Variants in FAM217A observed in about 807,000 individuals in gnomAD.
FAM217A encodes the protein family with sequence similarity 217 member A.
FAM217A carries 13 observed loss-of-function variants against 18.5 expected under a neutral mutation model. The ratio of observed to expected loss-of-function variants is 0.70; its 90% CI spans 0.46 to 1.12. FAM217A has a LOEUF of 1.12. FAM217A is among the 50% of genes most tolerant of loss of function. The pLI, the probability that FAM217A is intolerant of heterozygous loss-of-function variation, is 0.00. For synonymous variants in FAM217A, 161 were observed against 202.8 expected (o/e 0.79, Z 1.75); for missense variants, 560 against 575.4 (o/e 0.97, Z 0.27).
At chr6:4,074,250 ATACT>A (rs1397668143) in intron 4 of FAM217A, among the ~76,000 whole-genome samples, 189 bp downstream of exon 4, 6 of 152,352 alleles carry the variant, frequency 3.9e-5, no homozygotes, top group Non-Finnish European at 4.4e-5. Flanking sequence ...ATACTGAAAA[ATACT>A]TAATATAACA....
rs770342588 is a variant in FAM217A at position 4,069,709 on chromosome 6, T to G, written c.514A>C (p.Thr172Pro). 3.1e-6 allele frequency: 5 copies of G among 1,614,194 alleles called. No individual in the cohort carries two copies. In the South Asian group the frequency reaches 3.3e-5, roughly 11 times the overall value. ...GTTTCACCATCATTGTTTTCTATAGTTGAACATGAACTAACATGAATCTCA... is the reference window on the plus strand; with the variant it reads ...GTTTCACCATCATTGTTTTCTATAGGTGAACATGAACTAACATGAATCTCA... ...RNEIHVSSCS[T>P]IENNDGETLP... is the part of the protein sequence containing the mutation. Residue 172 changes from threonine to proline, a missense_variant, in exon 7 of 7, where the codon ACT becomes CCT. Coordinates refer to ENST00000274673, the MANE Select transcript of FAM217A (RefSeq NM_173563.3).
chr6:4,084,468 T>C lies in FAM217A; in HGVS notation c.251+110A>G, dbSNP rs1770508399. ...CTTGATTTCTGCAATTTGAATTGCT[T>C]CATAAGCCTTTCTGTTTTTCAGATG... On this transcript the variant is annotated intron_variant, in intron 2 of 8. Coordinates refer to the FAM217A transcript ENST00000639338. 7 of 611,342 alleles carry C rather than the reference T, an allele frequency of 1.1e-5. No homozygotes were observed. In the South Asian group the frequency reaches 1.4e-4, roughly 12 times the overall value. 37.9% of individuals were successfully genotyped at this position (611,342 alleles called of 1,614,324 possible). A position where few individuals can be genotyped will look rare whatever the true frequency, so the allele number is the denominator to read the frequency against.
chr6:4,069,308 CCTCT>C lies in FAM217A; in HGVS notation c.911_914del (p.Glu304GlyfsTer26). ...TACAGAAAGTCGTTTGTAGTCTTGG[CCTCT>C]CTTTTTGAATAGTCATATGTTGTAA... On this transcript the variant is annotated frameshift_variant, in exon 7 of 7. Transcript: ENST00000274673. LOFTEE classifies it low-confidence loss of function (END_TRUNC). The C allele has an allele frequency of 6.2e-7, 1 of 1,614,088 alleles. No homozygotes were observed. The highest frequency in any genetic ancestry group is 8.5e-7 in the Non-Finnish European group (1 of 1,180,002).
intron 6 of FAM217A, among the ~76,000 whole-genome samples, chr6:4,072,128 G>A (rs1281984586): frequency 6.6e-6 from 1 of 151,246 alleles, no homozygotes; most frequent in African/African-American, 2.4e-5. Context: ...GAATCACAAG[G>A]TCAGGAGTTC....
upstream of FAM217A, chr6:4,079,489 C>T (rs1770112924): frequency 3.7e-6 from 2 of 536,576 alleles, no homozygotes; most frequent in Admixed American, 3.8e-5. Flanking sequence ...CCTTCTTCGG[C>T]CTTCCTGGGC....
chr6:4,078,791 C>T, intron 1 of FAM217A, 61 bp downstream of exon 1: 1 of 426,660 alleles, frequency 2.3e-6, no homozygotes, highest in Non-Finnish European at 4.2e-6. Context: ...GTGGGGAGCC[C>T]AGTTCCAGGG....
Position 4,068,600 on chromosome 6 carries a change from CTG to C in FAM217A, c.*94_*95del. The C allele has an allele frequency of 7.3e-7, 1 of 1,368,132 alleles. No homozygotes were observed. The highest frequency in any genetic ancestry group is 9.9e-7 in the Non-Finnish European group (1 of 1,011,806). 84.7% of individuals were successfully genotyped at this position (1,368,132 alleles called of 1,614,324 possible). A position where few individuals can be genotyped will look rare whatever the true frequency, so the allele number is the denominator to read the frequency against. Reference sequence around the variant, plus strand: ...GCAACTGTTTGGTGATTTTGGGGGACTGTTAATAGTACCTGTGTCTTGGAATA... The same window carrying C: ...GCAACTGTTTGGTGATTTTGGGGGACTTAATAGTACCTGTGTCTTGGAATA... On this transcript the variant is annotated 3_prime_UTR_variant, in exon 7 of 7. Coordinates refer to ENST00000274673, the MANE Select transcript of FAM217A (RefSeq NM_173563.3).
In FAM217A at chr6:4,068,783, A is replaced by G. The variant is rs1441551302; in HGVS notation, c.1440T>C (p.Asn480=). The G allele has an allele frequency of 6.2e-7, 1 of 1,614,194 alleles. No homozygotes were observed. The highest frequency in any genetic ancestry group is 8.5e-7 in the Non-Finnish European group (1 of 1,179,994). ...KKLYRQNIVL[N]RPFSIQKLNC... is the part of the protein sequence containing the mutation. ...TTAGCTTCTGAATAGAGAATGGTCTATTCAACACTATATTTTGTCGGTAAA... is the reference window on the plus strand; with the variant it reads ...TTAGCTTCTGAATAGAGAATGGTCTGTTCAACACTATATTTTGTCGGTAAA... Residue 480 remains asparagine (N), a synonymous_variant, in exon 7 of 7, where the codon AAT becomes AAC. Transcript: ENST00000274673.
rs1769299846 is a variant in FAM217A at position 4,070,017 on chromosome 6, A to G, written c.303-97T>C. On this transcript the variant is annotated intron_variant, in intron 6 of 6. Transcript: ENST00000274673. Reference sequence around the variant, plus strand: ...AGTACCCTTTATCAAAGATTGGTTAATGTTTAGTTCCCAATGGCATATGTG... The same window carrying G: ...AGTACCCTTTATCAAAGATTGGTTAGTGTTTAGTTCCCAATGGCATATGTG... 6.5e-6 allele frequency: 6 copies of G among 917,668 alleles called. No individual in the cohort carries two copies. In the Admixed American group the frequency reaches 1.9e-4, roughly 30 times the overall value. 56.8% of individuals were successfully genotyped at this position (917,668 alleles called of 1,614,324 possible).
At chr6:4,084,563 A>C (rs1230969551) in intron 2 of FAM217A, 3 of 701,700 alleles carry the variant, frequency 4.3e-6, no homozygotes, top group Non-Finnish European at 7.8e-6. Flanking sequence ...TTAAAGTCTC[A>C]GTGTCAGAAC....
At position 4,084,653 on chromosome 6, in the gene FAM217A, C is replaced by CAG; in HGVS notation, c.174_175dup (p.Cys59SerfsTer6). 1 of 702,978 alleles carries CAG rather than the reference C, an allele frequency of 1.4e-6. No individual in the cohort carries two copies. Among genetic ancestry groups the CAG allele is most frequent in the Non-Finnish European group, 2.6e-6 (1 of 384,988 alleles). The allele number at this position is 702,978 out of a possible 1,614,324, so 43.5% of individuals were successfully genotyped here. A position where few individuals can be genotyped will look rare whatever the true frequency, so the allele number is the denominator to read the frequency against. ...CCCCTCCCACCTCATTTGTTGTGAACAGAACACTTTCTTTAGAATGCTTTC... is the reference window on the plus strand; with the variant it reads ...CCCCTCCCACCTCATTTGTTGTGAACAGAGAACACTTTCTTTAGAATGCTTTC... On this transcript the variant is annotated frameshift_variant, in exon 2 of 9. Transcript: ENST00000639338. LOFTEE classifies it high-confidence loss of function.
chr6:4,077,431 C>T lies in FAM217A; in HGVS notation c.-17G>A, dbSNP rs189094048. ...TCTCCCCATTTTGTTGTAGCTGTTG[C>T]TCTGTTTCCTTAAAATCCTACACAG... On this transcript the variant is annotated 5_prime_UTR_variant, in exon 2 of 7. Coordinates refer to ENST00000274673, the MANE Select transcript of FAM217A (RefSeq NM_173563.3). The T allele has an allele frequency of 3.8e-5, 61 of 1,613,990 alleles. No individual in the cohort carries two copies. In the African/African-American group the frequency reaches 7.7e-4, roughly 20 times the overall value.
chr6:4,079,678 C>G (rs1770140782), upstream of FAM217A: 1 of 1,286,444 alleles, frequency 7.8e-7, no homozygotes, highest in Middle Eastern at 2.1e-4. Flanking sequence ...GGAGCACCGC[C>G]CGGTACGTAG....
At chr6:4,079,500 C>A, upstream of FAM217A, 1 of 577,016 alleles carries the variant, frequency 1.7e-6, no homozygotes, top group Non-Finnish European at 2.6e-6. Flanking sequence ...CTTCCTGGGC[C>A]TCCTCGGGCT....
chr6:4,082,419 C>G (rs906891861), upstream of FAM217A, among the ~76,000 whole-genome samples: 1 of 152,202 alleles, frequency 6.6e-6, no homozygotes, highest in Non-Finnish European at 1.5e-5. Flanking sequence ...AGTCTCCCTC[C>G]GAGGCTAGCC....
chr6:4,084,260 A>G (rs1231879341), intron 2 of FAM217A, among the ~76,000 whole-genome samples: 1 of 152,200 alleles, frequency 6.6e-6, no homozygotes, highest in Non-Finnish European at 1.5e-5. Context: ...TTTGTTGCAA[A>G]TAGATAAGAA....
chr6:4,079,640 A>G (rs1454828826), upstream of FAM217A: 12 of 1,253,344 alleles, frequency 9.6e-6, no homozygotes, highest in Non-Finnish European at 1.2e-5. Context: ...TCCACCCTCC[A>G]TTCCCACCGC....
intron 2 of FAM217A, among the ~76,000 whole-genome samples, chr6:4,076,904 CA>C (rs1215145663): frequency 6.6e-6 from 1 of 152,072 alleles, no homozygotes; most frequent in Non-Finnish European, 1.5e-5. Context: ...ACCAAAACAA[CA>C]AAAAATTAAC....
chr6:4,082,154 A>G (rs1770342251), upstream of FAM217A, among the ~76,000 whole-genome samples: 1 of 152,178 alleles, frequency 6.6e-6, no homozygotes, highest in African/African-American at 2.4e-5. Flanking sequence ...GTGAAATATG[A>G]AAGCGACAAC....
Sources: allele counts gnomAD v4.1 joint callset (sites outside exome capture counted in the v4.1 genomes callset), GRCh38; gene constraint gnomAD v4.1.1; transcripts MANE v1.5; gene names NCBI Gene and HGNC (gene_info 2026-07-23, HGNC 2026-07-21).